The following ASTN2 variants were observed in gnomAD, a reference collection of about 807,000 sequenced individuals.
ASTN2 encodes astrotactin 2.
Under a neutral mutation model 139.8 loss-of-function variants are expected in ASTN2, and 54 were observed. The ratio of observed to expected loss-of-function variants is 0.39; its 90% CI spans 0.31 to 0.48. ASTN2 has a LOEUF of 0.48. Among genes scored for constraint, ASTN2 ranks in the 20% least tolerant of loss-of-function variants. The pLI is 0.95. For missense variants in ASTN2, 1,565 were observed against 1,725.1 expected, an observed-to-expected ratio of 0.91 and a Z score of 1.64; for synonymous variants, 756 against 719.5, an observed-to-expected ratio of 1.05 and a Z score of -0.81.
chr9:117,153,528 C>T lies in ASTN2; in HGVS notation c.1016-12050G>A, dbSNP rs756968284. On this transcript the variant is annotated intron_variant, in intron 3 of 22. Transcript: ENST00000313400. The stretch of plus-strand genomic sequence containing the variant: ...TATCATTATCTCTATCTTATAAATG[C>T]GTGAGTGAGGCAAACAGAGCTTAAT... Among the ~76,000 whole-genome samples, 17 of 152,216 alleles carry T rather than the reference C, an allele frequency of 1.1e-4. No individual in the cohort carries two copies. The East Asian group carries it at 1.4e-3, about 12-fold the overall frequency.
At chr9:116,606,484 A>T (rs187363760) in intron 19 of ASTN2, among the ~76,000 whole-genome samples, 87 of 152,322 alleles carry the variant, frequency 5.7e-4, no homozygotes, top group Non-Finnish European at 8.8e-5. Flanking sequence ...GCCTGTGCAC[A>T]TGCACGCATG....
chr9:116,588,247 AT>A (rs1854239205), intron 19 of ASTN2, among the ~76,000 whole-genome samples: 1 of 152,240 alleles, frequency 6.6e-6, no homozygotes, highest in African/African-American at 2.4e-5. Context: ...TTAATGCCCA[AT>A]ATTAATGTTA....
In ASTN2 at chr9:117,350,974, T is replaced by G. The variant is rs149822938; in HGVS notation, c.443-59461A>C. Among the ~76,000 whole-genome samples the G allele has an allele frequency of 8.6e-4, 131 of 152,242 alleles. No individual in the cohort carries two copies. The East Asian group carries it at 0.023, about 27-fold the overall frequency. On this transcript the variant is annotated intron_variant, in intron 1 of 22. Coordinates refer to ENST00000313400, the MANE Select transcript of ASTN2 (RefSeq NM_001365068.1). ...CACGACCGCCATGTTGCATGGTGGA[T>G]AGGTGAAAAGGGGATTGCTTTATAT...
At chr9:117,071,480 C>T (rs1414747904) in intron 5 of ASTN2, among the ~76,000 whole-genome samples, 1 of 150,332 alleles carries the variant, frequency 6.7e-6, no homozygotes, top group African/African-American at 2.5e-5. Flanking sequence ...CTGTGCCCTG[C>T]CCCCAGAGGT....
chr9:117,119,865 T>G (rs1294262019), intron 4 of ASTN2, among the ~76,000 whole-genome samples: 1 of 151,414 alleles, frequency 6.6e-6, no homozygotes, highest in Non-Finnish European at 1.5e-5. Flanking sequence ...TATGGGTAGA[T>G]TTTGCAAGAT....
intron 3 of ASTN2, among the ~76,000 whole-genome samples, chr9:117,163,725 G>A (rs768888673): frequency 5.9e-5 from 9 of 152,032 alleles, no homozygotes; most frequent in Non-Finnish European, 1.2e-4. Context: ...TCTAAATAAT[G>A]CATTTTTCCC....
chr9:116,535,973 C>T (rs1266504747), intron 19 of ASTN2, among the ~76,000 whole-genome samples: 1 of 152,154 alleles, frequency 6.6e-6, no homozygotes, highest in South Asian at 2.1e-4. Flanking sequence ...TTCCATTCTC[C>T]CCGTCACTTT....
intron 1 of ASTN2, among the ~76,000 whole-genome samples, chr9:117,403,694 G>T (rs571175683): frequency 3.3e-5 from 5 of 152,192 alleles, no homozygotes; most frequent in Admixed American, 1.3e-4. Flanking sequence ...ACTTCCCTGG[G>T]TGCATGAGAG....
rs188231456 is a variant in ASTN2, at chr9:116,875,116, G to C, written c.1890-11383C>G. On this transcript the variant is annotated intron_variant, in intron 10 of 22. Coordinates refer to ENST00000313400, the MANE Select transcript of ASTN2 (RefSeq NM_001365068.1). Reference sequence around the variant, plus strand: ...TCACTTTAAATCATAAGCTAGAAATGATTAAGTTTAGTGAGGAAGGTATGT... The same window carrying C: ...TCACTTTAAATCATAAGCTAGAAATCATTAAGTTTAGTGAGGAAGGTATGT... Among the ~76,000 whole-genome samples the C allele has an allele frequency of 1.5e-3, 233 of 152,278 alleles. 1 individual carries two copies. In the Middle Eastern group the frequency reaches 0.027, roughly 18 times the overall value.
In ASTN2 at chr9:116,504,101, A is replaced by G. The variant is rs558420103; in HGVS notation, c.3356-16601T>C. 3.9e-5 allele frequency among the ~76,000 whole-genome samples: 6 copies of G among 152,226 alleles called. No individual in the cohort carries two copies. The South Asian group carries it at 1.2e-3, about 32-fold the overall frequency. On this transcript the variant is annotated intron_variant, in intron 19 of 22. Coordinates refer to ENST00000313400, the MANE Select transcript of ASTN2 (RefSeq NM_001365068.1). ...AACTAAAGCTCAGACTATTACTGCTAGCCTATAGGGTGCCTCTGTGCAAAT... is the reference window on the plus strand; with the variant it reads ...AACTAAAGCTCAGACTATTACTGCTGGCCTATAGGGTGCCTCTGTGCAAAT...
At chr9:116,485,841 G>C (rs1849322080) in intron 20 of ASTN2, among the ~76,000 whole-genome samples, 1 of 152,146 alleles carries the variant, frequency 6.6e-6, no homozygotes, top group Non-Finnish European at 1.5e-5. Flanking sequence ...TGATATTCTT[G>C]AGTTTGGTGA....
chr9:117,186,236 T>G (rs1364650753), intron 3 of ASTN2, among the ~76,000 whole-genome samples: 1 of 152,212 alleles, frequency 6.6e-6, no homozygotes, highest in Non-Finnish European at 1.5e-5. Context: ...TAACTAATAT[T>G]ACTCCTATTT....
At position 117,414,361 on chromosome 9, in the gene ASTN2, G is replaced by A. The variant is rs1434855193; in HGVS notation, c.442+136C>T. On this transcript the variant is annotated intron_variant, in intron 1 of 22. Coordinates refer to ENST00000313400, the MANE Select transcript of ASTN2 (RefSeq NM_001365068.1). This position sits in a 1 kb window ranked among gnomAD's most constrained non-coding sequence, Gnocchi z 4.2. Reference sequence around the variant, plus strand: ...TTTCCAACCACCTGTGCGACCTCTGGGCCCCTCCTCTACCCTCTGCCAACC... The same window carrying A: ...TTTCCAACCACCTGTGCGACCTCTGAGCCCCTCCTCTACCCTCTGCCAACC... The A allele has an allele frequency of 2.9e-6, 4 of 1,378,712 alleles. No homozygotes were observed. Among genetic ancestry groups the A allele is most frequent in the South Asian group, 3.0e-5 (2 of 66,072 alleles). The allele number at this position is 1,378,712 out of a possible 1,614,324, so 85.4% of individuals were successfully genotyped here. A position where few individuals can be genotyped will look rare whatever the true frequency, so the allele number is the denominator to read the frequency against.
intron 2 of ASTN2, among the ~76,000 whole-genome samples, chr9:117,257,602 C>T (rs552996776): frequency 6.6e-6 from 1 of 152,274 alleles, no homozygotes; most frequent in Admixed American, 6.5e-5. Context: ...ATGTATTTTT[C>T]TCATTTTCTC....
At chr9:116,746,667 T>C (rs1829243631) in intron 13 of ASTN2, among the ~76,000 whole-genome samples, 1 of 152,158 alleles carries the variant, frequency 6.6e-6, no homozygotes, top group African/African-American at 2.4e-5. Context: ...TTATTTTCAG[T>C]TTTCTTTTTC....
chr9:116,961,925 A>G (rs1835884906), intron 10 of ASTN2, among the ~76,000 whole-genome samples: 1 of 152,248 alleles, frequency 6.6e-6, no homozygotes, highest in East Asian at 1.9e-4. Context: ...AATTCACTTG[A>G]TTCTCAACAG....
In ASTN2 at chr9:117,328,368, C is replaced by T. The variant is rs527255171; in HGVS notation, c.443-36855G>A. On this transcript the variant is annotated intron_variant, in intron 1 of 22. Transcript: ENST00000313400. The stretch of plus-strand genomic sequence containing the variant: ...AGAATACCAAGAAGAGAAAAAAAGA[C>T]AGAAAGAAAGAAAAGTAAGATTTGA... Among the ~76,000 whole-genome samples the T allele has an allele frequency of 3.3e-5, 5 of 152,216 alleles. No individual in the cohort carries two copies. The South Asian group carries it at 8.3e-4, about 25-fold the overall frequency.
At chr9:116,578,621 T>C (rs555976036) in intron 19 of ASTN2, among the ~76,000 whole-genome samples, 3,458 of 17,626 alleles carry the variant, frequency 0.2, 146 homozygotes, top group African/African-American at 0.4. Context: ...GGCTCCAACG[T>C]GTGTGTGTGT....
At chr9:117,413,848 G>A (rs142797443) in intron 1 of ASTN2, among the ~76,000 whole-genome samples, 4 of 152,184 alleles carry the variant, frequency 2.6e-5, no homozygotes, top group Non-Finnish European at 5.9e-5. Context: ...TAAACGTGGA[G>A]ACCTCGGAGT....
Sources: allele counts gnomAD v4.1 joint callset (sites outside exome capture counted in the v4.1 genomes callset), GRCh38; gene constraint gnomAD v4.1.1; non-coding constraint Gnocchi (gnomAD v3.1); transcripts MANE v1.5; gene names NCBI Gene and HGNC (gene_info 2026-07-23, HGNC 2026-07-21).